Variants in SIK3 observed in about 807,000 individuals in gnomAD.
SIK3 encodes the protein SIK family kinase 3, also known as serine/threonine-protein kinase SIK3.
Under a neutral mutation model 144.2 loss-of-function variants are expected in SIK3, and 28 were observed. The observed-to-expected ratio is 0.19, with a 90% CI of 0.14 to 0.27. The LOEUF is 0.27. Among genes scored for constraint, SIK3 ranks in the 10% least tolerant of loss-of-function variants. The probability of loss-of-function intolerance (pLI) is 1.00; values close to 1 mark genes in which losing one functional copy is unlikely to be tolerated. For synonymous variants in SIK3, 686 were observed against 676.3 expected (o/e 1.01, Z -0.22); for missense variants, 1,319 against 1,776.0 (o/e 0.74, Z 4.62).
chr11:116,990,094 T>C (rs1950450568), intron 1 of SIK3, among the ~76,000 whole-genome samples: 1 of 152,184 alleles, frequency 6.6e-6, no homozygotes, highest in South Asian at 2.1e-4. Flanking sequence ...CAGCAGGCCA[T>C]TCTGTATTTC....
chr11:116,852,286 T>G (rs1942524607), intron 21 of SIK3, among the ~76,000 whole-genome samples: 1 of 152,226 alleles, frequency 6.6e-6, no homozygotes, highest in East Asian at 1.9e-4. Context: ...CACCCTCCTT[T>G]GGGCTCTGCC....
At chr11:117,078,475 G>A (rs1379499403) in intron 1 of SIK3, among the ~76,000 whole-genome samples, 2 of 148,698 alleles carry the variant, frequency 1.3e-5, no homozygotes, top group African/African-American at 5.1e-5. Flanking sequence ...TAGTGCAGTG[G>A]CATGATCTTG....
intron 4 of SIK3, among the ~76,000 whole-genome samples, chr11:116,899,510 C>T (rs1945628444): frequency 6.6e-6 from 1 of 152,138 alleles, no homozygotes; most frequent in Admixed American, 6.5e-5. Context: ...GACAAAGTGA[C>T]ATTATTATAA....
chr11:116,993,733 A>C (rs979862801), intron 1 of SIK3, among the ~76,000 whole-genome samples: 1 of 152,220 alleles, frequency 6.6e-6, no homozygotes, highest in Non-Finnish European at 1.5e-5. Flanking sequence ...ACCAAACAGT[A>C]AAGAATGAGC....
chr11:117,020,079 C>G (rs1056928415), intron 1 of SIK3, among the ~76,000 whole-genome samples: 1 of 151,958 alleles, frequency 6.6e-6, no homozygotes, highest in Non-Finnish European at 1.5e-5. Context: ...AAACATACAA[C>G]CTTCCAAACC....
chr11:117,053,237 T>G (rs1024417322), intron 1 of SIK3, among the ~76,000 whole-genome samples: 3 of 151,012 alleles, frequency 2.0e-5, no homozygotes. Context: ...CTCAGGAGGC[T>G]GAAGCAGGAG....
chr11:117,065,151 A>AAATAAT (rs777093403), intron 1 of SIK3, among the ~76,000 whole-genome samples: 8 of 149,960 alleles, frequency 5.3e-5, no homozygotes, highest in African/African-American at 1.5e-4. Context: ...TCCATCTCAA[A>AAATAAT]AATAATAATA....
chr11:116,930,475 A>G (rs972054131), intron 3 of SIK3, among the ~76,000 whole-genome samples: 2 of 152,244 alleles, frequency 1.3e-5, no homozygotes, highest in African/African-American at 4.8e-5. Context: ...GAAGAAATCC[A>G]GAGCTGTAGA....
At chr11:117,043,576 T>C (rs959678341) in intron 1 of SIK3, among the ~76,000 whole-genome samples, 1 of 152,232 alleles carries the variant, frequency 6.6e-6, no homozygotes, top group African/African-American at 2.4e-5. Context: ...GAACTCTTCA[T>C]AATCCTGCTA....
intron 3 of SIK3, among the ~76,000 whole-genome samples, chr11:116,953,768 C>T (rs1430823755): frequency 1.3e-5 from 2 of 152,222 alleles, no homozygotes; most frequent in African/African-American, 4.8e-5. Flanking sequence ...CTAAGTCCCA[C>T]GTTCAGAAAG....
At chr11:117,000,094 A>C (rs181084717) in intron 1 of SIK3, among the ~76,000 whole-genome samples, 14 of 152,354 alleles carry the variant, frequency 9.2e-5, no homozygotes, top group Admixed American at 7.8e-4. Flanking sequence ...AGATAGTTAT[A>C]ATTTTTTTCA....
intron 1 of SIK3, among the ~76,000 whole-genome samples, chr11:116,963,038 T>A (rs1949404209): frequency 6.6e-6 from 1 of 152,256 alleles, no homozygotes; most frequent in Non-Finnish European, 1.5e-5. Flanking sequence ...TCTGAAATCA[T>A]TGACTTGATA....
At chr11:116,929,776 G>C (rs933460295) in intron 3 of SIK3, among the ~76,000 whole-genome samples, 1 of 152,230 alleles carries the variant, frequency 6.6e-6, no homozygotes, top group South Asian at 2.1e-4. Flanking sequence ...CACTTTCAAA[G>C]ATGTTGCAAA....
At position 116,867,446 on chromosome 11, in the gene SIK3, C is replaced by T. The variant is rs1943708454; in HGVS notation, c.1952+500G>A. Among the ~76,000 whole-genome samples, 1 of 152,170 alleles carries T rather than the reference C, an allele frequency of 6.6e-6. No homozygotes were observed. On this transcript the variant is annotated intron_variant, in intron 15 of 24. Transcript: ENST00000445177. The surrounding 1 kb of genome is among the most constrained non-coding windows in gnomAD (Gnocchi z 4.1). The stretch of plus-strand genomic sequence containing the variant: ...GCCATCAGAATATTGAAAGAATGAC[C>T]TCTTAAATACATCGCTCAAGAGGAT...
intron 4 of SIK3, among the ~76,000 whole-genome samples, chr11:116,911,335 C>G (rs1946333622): frequency 6.6e-6 from 1 of 151,874 alleles, no homozygotes; most frequent in Non-Finnish European, 1.5e-5. Context: ...CGGTGAAACA[C>G]CATCTCTACT....
intron 1 of SIK3, among the ~76,000 whole-genome samples, chr11:117,013,915 G>GGGGT (rs1206309055): frequency 1.7e-4 from 4 of 23,650 alleles, no homozygotes; most frequent in African/African-American, 2.6e-4. Flanking sequence ...GGGGGGGGAG[G>GGGGT]GTGTGTGTGT....
intron 1 of SIK3, among the ~76,000 whole-genome samples, chr11:116,975,460 AT>A (rs143131244): frequency 0.046 from 6,975 of 152,192 alleles, 530 homozygotes; most frequent in African/African-American, 0.16. Context: ...AGATCATACA[AT>A]ATCTGGTCCT....
intron 1 of SIK3, among the ~76,000 whole-genome samples, chr11:117,012,246 T>G (rs918756070): frequency 3.3e-5 from 5 of 152,202 alleles, no homozygotes; most frequent in African/African-American, 1.2e-4. Context: ...AGTGTTGGGA[T>G]TATAGGCATG....
chr11:117,044,529 GA>G (rs966209502), intron 1 of SIK3, among the ~76,000 whole-genome samples: 1 of 151,722 alleles, frequency 6.6e-6, no homozygotes, highest in Non-Finnish European at 1.5e-5. Context: ...AGCCTGCCAG[GA>G]AACAGTATTT....
Sources: gnomAD v4.1 joint callset for allele counts (sites outside exome capture counted in the v4.1 genomes callset) on GRCh38, gnomAD v4.1.1 for gene constraint, Gnocchi (gnomAD v3.1) non-coding constraint, MANE v1.5 for transcripts, NCBI Gene and HGNC (gene_info 2026-07-23, HGNC 2026-07-21) for gene names.